Variants in RPS6KA3 observed in about 807,000 individuals in gnomAD.
RPS6KA3 encodes the protein ribosomal protein S6 kinase alpha-3.
RPS6KA3 carries 4 observed loss-of-function variants against 67.2 expected under a neutral mutation model. The ratio of observed to expected loss-of-function variants is 0.06; its 90% CI spans 0.03 to 0.14. The LOEUF is 0.14. Ranked by LOEUF, RPS6KA3 falls within the 10% of genes least tolerant of loss-of-function variation. The pLI, the probability that RPS6KA3 is intolerant of heterozygous loss-of-function variation, is 1.00. For missense variants in RPS6KA3, 204 were observed against 559.0 expected (o/e 0.36, Z 6.40); for synonymous variants, 182 against 183.7 (o/e 0.99, Z 0.07).
chrX:20,255,789 CAAAAAAAAAAAAAAAA>C lies in RPS6KA3; in HGVS notation c.69+10759_69+10774del, dbSNP rs766544803. On this transcript the variant is annotated intron_variant, in intron 1 of 21. Transcript: ENST00000379565. Reference sequence around the variant, plus strand: ...TGGGCAATAGAGCAAAATTTCGTCTCAAAAAAAAAAAAAAAAAAAAAAAAAAAAAAGGAATTAGGCC... The same window carrying C: ...TGGGCAATAGAGCAAAATTTCGTCTCAAAAAAAAAAAAAAGGAATTAGGCC... 1.3e-3 allele frequency among the ~76,000 whole-genome samples: 22 copies of C among 17,151 alleles called. 1 individual carries two copies. The East Asian group carries it at 0.03, about 23-fold the overall frequency. The allele number at this position is 17,151 out of a possible 115,157, so 14.9% of individuals were successfully genotyped here.
rs1304645858 is a variant in RPS6KA3, at chrX:20,150,409, G to C, written c.*4989C>G. 2 of 112,384 alleles carry C rather than the reference G, an allele frequency of 1.8e-5. No individual in the cohort carries two copies. The highest frequency in any genetic ancestry group is 3.2e-5 in the African/African-American group (1 of 30,893). The allele number at this position is 112,384 out of a possible 1,213,427, so 9.3% of individuals were successfully genotyped here. The stretch of plus-strand genomic sequence containing the variant: ...GTGTATACCTTCCCTTTTGCTTAGG[G>C]CAACAGTTAAGATAAACTAATACAC... On this transcript the variant is annotated 3_prime_UTR_variant, in exon 22 of 22. Coordinates refer to ENST00000379565, the MANE Select transcript of RPS6KA3 (RefSeq NM_004586.3).
chrX:20,191,330 T>C (rs909806082), intron 7 of RPS6KA3, among the ~76,000 whole-genome samples: 15 of 111,874 alleles, frequency 1.3e-4, no homozygotes, highest in Admixed American at 1.1e-3. Context: ...GCAATAAACA[T>C]ACGTGTGCAT....
At position 20,166,875 on chromosome X, in the gene RPS6KA3, G is replaced by A. The variant is rs568011500; in HGVS notation, c.1602+714C>T. On this transcript the variant is annotated intron_variant, in intron 17 of 21. Coordinates refer to ENST00000379565, the MANE Select transcript of RPS6KA3 (RefSeq NM_004586.3). ...TGGGATTACAGGCATGAGCCATGAC[G>A]CCCGGCTAATTTTTGTACTTTTAAC... Among the ~76,000 whole-genome samples the A allele has an allele frequency of 2.0e-4, 22 of 110,017 alleles. No individual in the cohort carries two copies. The South Asian group carries it at 5.5e-3, about 28-fold the overall frequency.
chrX:20,249,588 T>C (rs1280603925), intron 1 of RPS6KA3, among the ~76,000 whole-genome samples: 2 of 112,204 alleles, frequency 1.8e-5, no homozygotes, highest in Non-Finnish European at 3.8e-5. Context: ...TTATCTGCTA[T>C]TCATCTTTGG....
At chrX:20,162,355 C>A (rs2067325385) in intron 19 of RPS6KA3, among the ~76,000 whole-genome samples, 1 of 106,567 alleles carries the variant, frequency 9.4e-6, no homozygotes, top group African/African-American at 3.4e-5. Flanking sequence ...AAAAAAAGGT[C>A]TATGTTTCTA....
In RPS6KA3 at chrX:20,266,538, G is replaced by T. The variant is rs1253428175; in HGVS notation, c.69+26C>A. On this transcript the variant is annotated intron_variant, in intron 1 of 21. Coordinates refer to ENST00000379565, the MANE Select transcript of RPS6KA3 (RefSeq NM_004586.3). ...CGGGGGCGCGAGGAGGAGATGCGCC[G>T]GCCCCGGCCGCCCTGCTGCACTCAC... 5 of 1,129,629 alleles carry T rather than the reference G, an allele frequency of 4.4e-6. No homozygotes were observed. In the Admixed American group the frequency reaches 1.3e-4, roughly 29 times the overall value. 93.1% of individuals were successfully genotyped at this position (1,129,629 alleles called of 1,213,427 possible). A position where few individuals can be genotyped will look rare whatever the true frequency, so the allele number is the denominator to read the frequency against.
intron 4 of RPS6KA3, chrX:20,203,819 T>C (rs1360519022): frequency 7.6e-6 from 3 of 396,696 alleles, no homozygotes; most frequent in Middle Eastern, 5.8e-4. Flanking sequence ...ATACGTCTTT[T>C]ATAACGTGGC....
In RPS6KA3 at chrX:20,167,636, C is replaced by T. The variant is rs1343122506; in HGVS notation, c.1555G>A (p.Val519Ile). The T allele has an allele frequency of 8.3e-7, 1 of 1,209,646 alleles. No individual in the cohort carries two copies. Among genetic ancestry groups the T allele is most frequent in the East Asian group, 3.0e-5 (1 of 33,830 alleles). ...KFFSEREASA[V>I]LFTITKTVEY... ...ACGGTTTTAGTTATAGTGAACAGGACAGCACTGGCCTCTCGTTCAGAGAAA... is the reference window on the plus strand; with the variant it reads ...ACGGTTTTAGTTATAGTGAACAGGATAGCACTGGCCTCTCGTTCAGAGAAA... The change falls in exon 17 of 22, where the codon GTC becomes ATC. Residue 519 changes from valine to isoleucine, a missense_variant. Physicochemically the swap from Val to Ile is conservative, Grantham distance 29 (BLOSUM62 3). Around this residue, in one of 4 missense-constraint regions of RPS6KA3, gnomAD observed 73 missense variants for 241.1 expected, o/e 0.30. Transcript: ENST00000379565.
chrX:20,210,241 T>C (rs1018113860), intron 2 of RPS6KA3, among the ~76,000 whole-genome samples: 3 of 112,190 alleles, frequency 2.7e-5, no homozygotes, highest in Non-Finnish European at 5.6e-5. Context: ...GGTTATCTTA[T>C]TTAATCAAGA....
chrX:20,216,860 A>G (rs755877395), intron 2 of RPS6KA3, among the ~76,000 whole-genome samples: 1 of 111,863 alleles, frequency 8.9e-6, no homozygotes, highest in African/African-American at 3.2e-5. Flanking sequence ...GCCTGGTCCC[A>G]GTGAAAATGT....
At chrX:20,215,418 T>C (rs953296759) in intron 2 of RPS6KA3, among the ~76,000 whole-genome samples, 3 of 111,273 alleles carry the variant, frequency 2.7e-5, no homozygotes, top group African/African-American at 9.8e-5. Flanking sequence ...GTGGCAAGTT[T>C]GGCATTGGCT....
intron 7 of RPS6KA3, among the ~76,000 whole-genome samples, chrX:20,190,310 T>C (rs1021447488): frequency 6.2e-5 from 7 of 112,104 alleles, no homozygotes; most frequent in African/African-American, 2.3e-4. Context: ...TAACAGTTCA[T>C]AAAATATTTG....
At chrX:20,196,470 T>C (rs1284193847) in intron 4 of RPS6KA3, among the ~76,000 whole-genome samples, 1 of 112,513 alleles carries the variant, frequency 8.9e-6, no homozygotes, top group Non-Finnish European at 1.9e-5. Context: ...GTACTCTGAA[T>C]GGTTATATGA....
In RPS6KA3 at chrX:20,266,899, C is replaced by T. The variant is rs2070412296; in HGVS notation, c.-267G>A. On this transcript the variant is annotated 5_prime_UTR_variant, in exon 1 of 22. Transcript: ENST00000379565. ...CGCGCCTCCGCTGGGCACCGGGTCT[C>T]GCCCCTTTCTTCCTCTCCTCCTTCC... 1 of 580,658 alleles carries T rather than the reference C, an allele frequency of 1.7e-6. No individual in the cohort carries two copies. The highest frequency in any genetic ancestry group is 2.1e-6 in the Non-Finnish European group (1 of 480,086). 47.9% of individuals were successfully genotyped at this position (580,658 alleles called of 1,213,427 possible). A position where few individuals can be genotyped will look rare whatever the true frequency, so the allele number is the denominator to read the frequency against.
chrX:20,215,213 G>C (rs6633336), intron 2 of RPS6KA3, among the ~76,000 whole-genome samples: 1 of 53,191 alleles, frequency 1.9e-5, no homozygotes, highest in African/African-American at 1.7e-4. Context: ...CCTTTTCTTA[G>C]TGTGTGTGTG....
At chrX:20,225,255 G>GTTTTTTTTTTTTT (rs1171338918) in intron 2 of RPS6KA3, among the ~76,000 whole-genome samples, 2 of 69,680 alleles carry the variant, frequency 2.9e-5, no homozygotes, top group Admixed American at 1.6e-4. Context: ...TTTTTTTTTT[G>GTTTTTTTTTTTTT]TTTTTTTTTT....
chrX:20,219,450 T>C (rs946097863), intron 2 of RPS6KA3, among the ~76,000 whole-genome samples: 4 of 111,934 alleles, frequency 3.6e-5, no homozygotes, highest in African/African-American at 1.3e-4. Context: ...ACTTTTAAAA[T>C]TGTGATGTAA....
rs1456353092 is a variant in RPS6KA3, at chrX:20,153,409, A to C, written c.*1989T>G. The C allele has an allele frequency of 8.1e-5, 9 of 111,701 alleles. No homozygotes were observed. The highest frequency in any genetic ancestry group is 2.9e-4 in the African/African-American group (9 of 30,742). The allele number at this position is 111,701 out of a possible 1,213,427, so 9.2% of individuals were successfully genotyped here. On this transcript the variant is annotated 3_prime_UTR_variant, in exon 22 of 22. Transcript: ENST00000379565. ...ATCATTTTTGTGTCACTTGGGCAAA[A>C]GAAATGTTATAGATTTCCCCTTTCT...
intron 10 of RPS6KA3, among the ~76,000 whole-genome samples, chrX:20,182,179 C>G (rs1315899172): frequency 3.6e-5 from 4 of 111,947 alleles, no homozygotes; most frequent in East Asian, 2.8e-4. Flanking sequence ...ATTGCCAGAA[C>G]CCCTCATCCA....
Sources: gnomAD v4.1 joint callset for allele counts (sites outside exome capture counted in the v4.1 genomes callset) on GRCh38, gnomAD v4.1.1 for gene constraint, gnomAD v4.1.1 regional missense constraint, MANE v1.5 for transcripts, NCBI Gene and HGNC (gene_info 2026-07-23, HGNC 2026-07-21) for gene names.